Variants in PHC2 observed in about 807,000 individuals in gnomAD.
PHC2 encodes polyhomeotic-like protein 2.
PHC2 carries 29 observed loss-of-function variants against 87.4 expected under a neutral mutation model. That is an observed-to-expected ratio of 0.33 (90% CI 0.25 to 0.45). The LOEUF is 0.45. Among genes scored for constraint, PHC2 ranks in the 20% least tolerant of loss-of-function variants. The pLI, the probability that PHC2 is intolerant of heterozygous loss-of-function variation, is 1.00. For missense variants in PHC2, 857 were observed against 1,136.7 expected (o/e 0.75, Z 3.54); for synonymous variants, 438 against 461.7 (o/e 0.95, Z 0.66).
At chr1:33,363,748 T>C (rs1647273757) in intron 7 of PHC2, 5 of 985,152 alleles carry the variant, frequency 5.1e-6, no homozygotes, top group Non-Finnish European at 6.0e-6. Context: ...TGGGCCTGAG[T>C]GTGCACCCAA....
intron 7 of PHC2, among the ~76,000 whole-genome samples, chr1:33,362,486 A>G (rs969426164): frequency 1.3e-5 from 2 of 152,160 alleles, no homozygotes; most frequent in African/African-American, 4.8e-5. Flanking sequence ...TATGGGGAGA[A>G]GAGAGGAGGA....
At chr1:33,383,030 T>TCTGAAGAGATGGGAGAG (rs1648562614) in intron 1 of PHC2, among the ~76,000 whole-genome samples, 1 of 152,162 alleles carries the variant, frequency 6.6e-6, no homozygotes, top group Non-Finnish European at 1.5e-5. Flanking sequence ...GGCGGCTTGG[T>TCTGAAGAGATGGGAGAG]ATGGAGAGTC....
chr1:33,425,205 G>A (rs1011914080), intron 1 of PHC2, among the ~76,000 whole-genome samples: 2 of 152,190 alleles, frequency 1.3e-5, no homozygotes, highest in African/African-American at 2.4e-5. Flanking sequence ...ATGGCACAGA[G>A]ACCTATAGAT....
At chr1:33,345,477 A>T in intron 9 of PHC2, 1 of 839,512 alleles carries the variant, frequency 1.2e-6, no homozygotes, top group Non-Finnish European at 1.4e-6. Flanking sequence ...CTTTTTCACT[A>T]ACTATAAAAA....
At chr1:33,347,651 A>T (rs1646869762) in intron 9 of PHC2, 1 of 985,374 alleles carries the variant, frequency 1.0e-6, no homozygotes, top group African/African-American at 1.7e-5. Flanking sequence ...GAAAGGACTA[A>T]GAAACTACCC....
intron 1 of PHC2, among the ~76,000 whole-genome samples, chr1:33,421,723 A>G (rs565891887): frequency 1.4e-4 from 22 of 152,216 alleles, no homozygotes; most frequent in Non-Finnish European, 3.2e-4. Context: ...TGAGTCTAGT[A>G]TCTCACATGC....
intron 7 of PHC2, among the ~76,000 whole-genome samples, chr1:33,355,494 T>A (rs1023177680): frequency 3.3e-5 from 5 of 152,204 alleles, no homozygotes; most frequent in African/African-American, 1.2e-4. Flanking sequence ...CTGTCCCCCA[T>A]CCCCAAAGCT....
At chr1:33,340,370 A>ATG (rs1186869687) in intron 9 of PHC2, among the ~76,000 whole-genome samples, 2 of 152,218 alleles carry the variant, frequency 1.3e-5, no homozygotes, top group Non-Finnish European at 2.9e-5. Flanking sequence ...AGGCCCAGCC[A>ATG]TGTGGCCAGG....
intron 3 of PHC2, among the ~76,000 whole-genome samples, chr1:33,371,883 A>G (rs1185419988): frequency 6.6e-6 from 1 of 152,192 alleles, no homozygotes; most frequent in African/African-American, 2.4e-5. Flanking sequence ...AGGTACATAA[A>G]ATGTTTTTCT....
intron 9 of PHC2, among the ~76,000 whole-genome samples, chr1:33,338,084 C>T (rs996771737): frequency 6.6e-6 from 1 of 152,192 alleles, no homozygotes; most frequent in African/African-American, 2.4e-5. Context: ...ATCCCTCTAT[C>T]CTTGCTTGAC....
At chr1:33,329,956 A>G in intron 13 of PHC2, 115 bp downstream of exon 13, 2 of 1,145,678 alleles carry the variant, frequency 1.7e-6, no homozygotes, top group Middle Eastern at 2.8e-4. Flanking sequence ...AAGGAATGAG[A>G]GCACAGCAGA....
intron 1 of PHC2, among the ~76,000 whole-genome samples, chr1:33,383,125 T>C (rs567352514): frequency 2.1e-4 from 32 of 152,310 alleles, no homozygotes; most frequent in Non-Finnish European, 4.1e-4. Context: ...AAGGCAGTAA[T>C]AACAGAAGAT....
chr1:33,330,628 T>C (rs7512470), intron 12 of PHC2, among the ~76,000 whole-genome samples: 26,271 of 152,196 alleles, frequency 0.17, 2,807 homozygotes, highest in South Asian at 0.27. Context: ...TGAAGATAGC[T>C]GAACTCTAGC....
chr1:33,391,302 G>A (rs1649041620), intron 1 of PHC2, among the ~76,000 whole-genome samples: 1 of 152,174 alleles, frequency 6.6e-6, no homozygotes, highest in African/African-American at 2.4e-5. Context: ...AGAACTAAAA[G>A]GTAATGAAAG....
At chr1:33,377,809 T>A (rs1474621635) in intron 1 of PHC2, among the ~76,000 whole-genome samples, 1 of 152,128 alleles carries the variant, frequency 6.6e-6, no homozygotes, top group East Asian at 1.9e-4. Context: ...AGGGTTATCA[T>A]TGCTCAGGCT....
chr1:33,331,623 AC>A lies in PHC2; in HGVS notation c.1892-162del. ...AGCATGGAAAATGCCAGTGGTTCTC[AC>A]CCCTGGAATGCACTCAAGGGTGTCT... is the stretch of plus-strand genomic sequence containing the variant. On this transcript the variant is annotated intron_variant, in intron 11 of 14. Transcript: ENST00000683057. This position sits in a 1 kb window ranked among gnomAD's most constrained non-coding sequence, Gnocchi z 5.2. The A allele has an allele frequency of 1.8e-6, 1 of 558,128 alleles. No homozygotes were observed. Among genetic ancestry groups the A allele is most frequent in the Non-Finnish European group, 3.2e-6 (1 of 312,040 alleles). The allele number at this position is 558,128 out of a possible 1,614,324, so 34.6% of individuals were successfully genotyped here.
At chr1:33,371,499 C>G (rs535239284) in intron 3 of PHC2, among the ~76,000 whole-genome samples, 5 of 152,170 alleles carry the variant, frequency 3.3e-5, no homozygotes, top group Non-Finnish European at 7.4e-5. Flanking sequence ...CGCCATCACA[C>G]CCGGCCACCG....
chr1:33,348,543 C>G (rs1310557407), intron 9 of PHC2, among the ~76,000 whole-genome samples: 1 of 152,164 alleles, frequency 6.6e-6, no homozygotes, highest in Non-Finnish European at 1.5e-5. Context: ...GATACTCAGG[C>G]TGATGGACAA....
intron 1 of PHC2, among the ~76,000 whole-genome samples, chr1:33,376,493 A>G (rs1011389766): frequency 6.6e-6 from 1 of 152,204 alleles, no homozygotes; most frequent in African/African-American, 2.4e-5. Flanking sequence ...CAGACTTCCT[A>G]TAACGTTCTC....
Sources: allele counts gnomAD v4.1 joint callset (sites outside exome capture counted in the v4.1 genomes callset), GRCh38; gene constraint gnomAD v4.1.1; non-coding constraint Gnocchi (gnomAD v3.1); transcripts MANE v1.5; gene names NCBI Gene and HGNC (gene_info 2026-07-23, HGNC 2026-07-21).